CERS6: variants seen among roughly 807,000 people sequenced by gnomAD.
The protein encoded by CERS6 is LAG1 homolog, ceramide synthase 6.
A neutral mutation model predicts 56.8 loss-of-function variants in CERS6; 26 were observed. That is an observed-to-expected ratio of 0.46 (90% CI 0.34 to 0.63). CERS6 has a LOEUF of 0.63. Among genes scored for constraint, CERS6 ranks in the 30% least tolerant of loss-of-function variants. The pLI is 0.01. For synonymous variants in CERS6, 164 were observed against 173.3 expected (o/e 0.95, Z 0.42); for missense variants, 415 against 467.5 (o/e 0.89, Z 1.04).
chr2:168,468,533 A>G (rs1693922676), intron 1 of CERS6, among the ~76,000 whole-genome samples: 1 of 152,152 alleles, frequency 6.6e-6, no homozygotes, highest in South Asian at 2.1e-4. Context: ...TAAATGAGAT[A>G]ATATTTGCAT....
chr2:168,561,113 G>C, intron 2 of CERS6, 79 bp from the exon 3 acceptor site: 1 of 1,491,792 alleles, frequency 6.7e-7, no homozygotes, highest in East Asian at 2.3e-5. Flanking sequence ...AAACCTCTCA[G>C]ATATAGACAA....
intron 1 of CERS6, among the ~76,000 whole-genome samples, chr2:168,466,993 C>T (rs917574289): frequency 6.6e-6 from 1 of 152,238 alleles, no homozygotes; most frequent in African/African-American, 2.4e-5. Context: ...CTGTTGCTCT[C>T]CTGAAGCTGT....
At chr2:168,534,090 A>G (rs1419594906) in intron 1 of CERS6, among the ~76,000 whole-genome samples, 1 of 151,764 alleles carries the variant, frequency 6.6e-6, no homozygotes, top group African/African-American at 2.4e-5. Context: ...TTCCTCTCTA[A>G]ACTGGTTATT....
chr2:168,574,226 A>C (rs1157391956), intron 3 of CERS6, among the ~76,000 whole-genome samples: 1 of 152,198 alleles, frequency 6.6e-6, no homozygotes, highest in East Asian at 1.9e-4. Flanking sequence ...TTAAAAATAA[A>C]ATATTGTCTT....
chr2:168,528,648 T>C (rs549115015), intron 1 of CERS6, among the ~76,000 whole-genome samples: 143 of 4,988 alleles, frequency 0.029, 1 homozygote, highest in African/African-American at 0.039. Context: ...GTAGAAGAAC[T>C]AGAGGTTCAT....
intron 6 of CERS6, among the ~76,000 whole-genome samples, chr2:168,699,107 C>T (rs1382288281): frequency 2.6e-5 from 4 of 152,178 alleles, no homozygotes; most frequent in Non-Finnish European, 4.4e-5. Context: ...TTCCCCTTTG[C>T]GTCTTGCTGA....
intron 8 of CERS6, among the ~76,000 whole-genome samples, chr2:168,742,128 ATGTT>A (rs1173321796): frequency 6.6e-6 from 1 of 152,224 alleles, no homozygotes; most frequent in Non-Finnish European, 1.5e-5. Flanking sequence ...TCAGTTCTGC[ATGTT>A]ATGTTGTTCA....
chr2:168,623,879 A>T (rs1684530434), intron 3 of CERS6, among the ~76,000 whole-genome samples: 1 of 152,196 alleles, frequency 6.6e-6, no homozygotes, highest in South Asian at 2.1e-4. Flanking sequence ...AAACGGGGAC[A>T]CCTGTTTTCT....
intron 1 of CERS6, among the ~76,000 whole-genome samples, chr2:168,515,114 TCCTTAA>T (rs1204961462): frequency 3.3e-5 from 5 of 152,250 alleles, no homozygotes; most frequent in Admixed American, 3.3e-4. Flanking sequence ...TTAGACTTTC[TCCTTAA>T]CCTTTAAAAT....
chr2:168,699,589 T>G (rs1686753891), intron 6 of CERS6, among the ~76,000 whole-genome samples: 1 of 152,202 alleles, frequency 6.6e-6, no homozygotes, highest in Non-Finnish European at 1.5e-5. Context: ...CTCTTCTTTT[T>G]TGGCACCTTT....
At chr2:168,481,098 A>AGCTT (rs1694168924) in intron 1 of CERS6, among the ~76,000 whole-genome samples, 1 of 152,048 alleles carries the variant, frequency 6.6e-6, no homozygotes, top group Non-Finnish European at 1.5e-5. Flanking sequence ...ATCCTTGAGG[A>AGCTT]GCTTGTGGTT....
At chr2:168,668,218 A>G (rs1380852914) in intron 4 of CERS6, among the ~76,000 whole-genome samples, 2 of 152,176 alleles carry the variant, frequency 1.3e-5, no homozygotes, top group African/African-American at 2.4e-5. Flanking sequence ...TTCTTCAATG[A>G]CAAAACCAAA....
chr2:168,575,077 G>C (rs1683226227), intron 3 of CERS6, among the ~76,000 whole-genome samples: 1 of 152,156 alleles, frequency 6.6e-6, no homozygotes, highest in African/African-American at 2.4e-5. Context: ...CTTAGGCCAA[G>C]AGGACAGCTC....
chr2:168,599,290 C>G (rs1291783807), intron 3 of CERS6, among the ~76,000 whole-genome samples: 2 of 152,144 alleles, frequency 1.3e-5, no homozygotes, highest in Non-Finnish European at 2.9e-5. Context: ...CACTCCTTTT[C>G]CTTCCAGGGA....
intron 6 of CERS6, among the ~76,000 whole-genome samples, chr2:168,702,747 A>G (rs559888963): frequency 5.8e-4 from 88 of 152,358 alleles, no homozygotes; most frequent in African/African-American, 2.0e-3. Flanking sequence ...TTTAGATTCC[A>G]TATTACAACC....
intron 1 of CERS6, among the ~76,000 whole-genome samples, chr2:168,542,357 G>A (rs1411863906): frequency 6.6e-6 from 1 of 152,126 alleles, no homozygotes; most frequent in Non-Finnish European, 1.5e-5. Flanking sequence ...ATCAGAACCA[G>A]GCTTTTGACA....
chr2:168,631,120 A>G, intron 4 of CERS6, 78 bp downstream of exon 4: 1 of 602,240 alleles, frequency 1.7e-6, no homozygotes, highest in Non-Finnish European at 2.9e-6. Flanking sequence ...TTAATGTGTG[A>G]CTGTAATAAT....
chr2:168,620,060 C>T (rs200819080), intron 3 of CERS6, among the ~76,000 whole-genome samples: 11 of 75,262 alleles, frequency 1.5e-4, no homozygotes, highest in East Asian at 1.2e-3. Context: ...CACACACACA[C>T]ACATATTTAT....
rs1685111923 is a variant in CERS6 at position 168,644,078 on chromosome 2, T to C, written c.465+13036T>C. ...CTTTCTGTGGAAAGGTCACATATTC[T>C]TTATCCTTAAACAGCTTACAGGCTA... On this transcript the variant is annotated intron_variant, in intron 4 of 9. Coordinates refer to ENST00000305747, the MANE Select transcript of CERS6 (RefSeq NM_203463.3). 8.1e-6 allele frequency: 8 copies of C among 985,126 alleles called. No individual in the cohort carries two copies. The South Asian group carries it at 3.8e-4, about 46-fold the overall frequency. The allele number at this position is 985,126 out of a possible 1,614,324, so 61.0% of individuals were successfully genotyped here.
Sources: gnomAD v4.1 joint callset for allele counts (sites outside exome capture counted in the v4.1 genomes callset) on GRCh38, gnomAD v4.1.1 for gene constraint, MANE v1.5 for transcripts, NCBI Gene and HGNC (gene_info 2026-07-23, HGNC 2026-07-21) for gene names.